Variants in ACACB observed in about 807,000 individuals in gnomAD.
ACACB encodes the protein acetyl-CoA carboxylase 2.
In ACACB, 209 loss-of-function variants were observed where a neutral mutation model predicts 278.8. That is an observed-to-expected ratio of 0.75 (90% confidence interval 0.67 to 0.84). The LOEUF is 0.84. ACACB is among the 40% of genes least tolerant of loss of function. The probability of loss-of-function intolerance (pLI) is 0.00; values close to 1 mark genes in which losing one functional copy is unlikely to be tolerated. For missense variants in ACACB, 2,850 were observed against 3,269.0 expected (o/e 0.87, Z 3.13); for synonymous variants, 1,174 against 1,285.6 (o/e 0.91, Z 1.86).
At chr12:109,127,914 T>C (rs1010248661) in intron 1 of ACACB, among the ~76,000 whole-genome samples, 2 of 152,202 alleles carry the variant, frequency 1.3e-5, no homozygotes, top group Non-Finnish European at 2.9e-5. Context: ...AGGATCATCC[T>C]TCACAACATA....
chr12:109,165,861 C>G (rs2043878843), intron 2 of ACACB, among the ~76,000 whole-genome samples: 1 of 152,160 alleles, frequency 6.6e-6, no homozygotes, highest in South Asian at 2.1e-4. Context: ...ATTGCATACA[C>G]TTGTTGTTTA....
At chr12:109,207,863 A>G (rs1447107742) in intron 20 of ACACB, among the ~76,000 whole-genome samples, 2 of 152,092 alleles carry the variant, frequency 1.3e-5, no homozygotes, top group African/African-American at 2.4e-5. Flanking sequence ...ATTTTTTAGT[A>G]GAGACGGGGT....
At chr12:109,213,312 C>T (rs1048573369) in intron 22 of ACACB, among the ~76,000 whole-genome samples, 3 of 152,154 alleles carry the variant, frequency 2.0e-5, no homozygotes, top group Non-Finnish European at 2.9e-5. Flanking sequence ...GATCCATTCT[C>T]CTCGACCTCC....
rs1565962009 is a variant in ACACB, at chr12:109,241,204, C to G, written c.4945C>G (p.Leu1649Val). Residue 1649 changes from leucine to valine, a missense_variant, in exon 36 of 53, where the codon CTG becomes GTG. By Grantham distance (32) the Leu-to-Val change is conservative. Transcript: ENST00000338432. ...TTTGSAVPIRLFITNESGYYL... is the reference protein window; with the variant it reads ...TTTGSAVPIRVFITNESGYYL... ...CACCGGCAGTGCCGTTCCCATCCGC[C>G]TGTTCATCACCAATGAGTCGGGCTA... is the stretch of plus-strand genomic sequence containing the variant. The G allele has an allele frequency of 6.2e-7, 1 of 1,614,222 alleles. No individual in the cohort carries two copies. The highest frequency in any genetic ancestry group is 1.1e-5 in the South Asian group (1 of 91,090).
At chr12:109,244,029 A>G (rs1396853212) in intron 37 of ACACB, among the ~76,000 whole-genome samples, 1 of 152,152 alleles carries the variant, frequency 6.6e-6, no homozygotes, top group Non-Finnish European at 1.5e-5. Flanking sequence ...AGCAAAAGAA[A>G]CTACCATTAG....
chr12:109,126,036 C>T (rs542437634), intron 1 of ACACB, among the ~76,000 whole-genome samples: 1 of 152,106 alleles, frequency 6.6e-6, no homozygotes, highest in Non-Finnish European at 1.5e-5. Context: ...TCTCCAGCAG[C>T]GTGTACCACA....
At position 109,246,108 on chromosome 12, in the gene ACACB, CTAAAA is replaced by C. The variant is rs1274357336; in HGVS notation, c.5302-60_5302-56del. 14 of 1,499,424 alleles carry C rather than the reference CTAAAA, an allele frequency of 9.3e-6. No homozygotes were observed. In the East Asian group the frequency reaches 1.1e-4, roughly 12 times the overall value. The allele number at this position is 1,499,424 out of a possible 1,614,324, so 92.9% of individuals were successfully genotyped here. ...CTGTATCTAAAAAAAATAATAATAA[CTAAAA>C]TAAAATAAAAAGTTTTCCCCCAAAG... is the stretch of plus-strand genomic sequence containing the variant. On this transcript the variant is annotated intron_variant, in intron 38 of 52. Transcript: ENST00000338432.
chr12:109,216,105 T>TTTTTG (rs947402282), intron 22 of ACACB, among the ~76,000 whole-genome samples: 1 of 151,884 alleles, frequency 6.6e-6, no homozygotes, highest in Non-Finnish European at 1.5e-5. Context: ...GGCCTTAATT[T>TTTTTG]TTTTGTTTTG....
At chr12:109,125,779 C>T (rs2042665769) in intron 1 of ACACB, among the ~76,000 whole-genome samples, 1 of 152,202 alleles carries the variant, frequency 6.6e-6, no homozygotes, top group Non-Finnish European at 1.5e-5. Flanking sequence ...CAAGGTCACA[C>T]AGGAAATGAA....
intron 1 of ACACB, among the ~76,000 whole-genome samples, chr12:109,138,071 T>C (rs2043012514): frequency 6.6e-6 from 1 of 152,048 alleles, no homozygotes; most frequent in Admixed American, 6.6e-5. Context: ...CTAATTTTTG[T>C]ATTTTTATTT....
Position 109,191,255 on chromosome 12 carries a change from C to T in ACACB, c.2145-358C>T, listed in dbSNP as rs370991300. Among the ~76,000 whole-genome samples, 5 of 151,400 alleles carry T rather than the reference C, an allele frequency of 3.3e-5. No individual in the cohort carries two copies. In the East Asian group the frequency reaches 7.7e-4, roughly 23 times the overall value. On this transcript the variant is annotated intron_variant, in intron 13 of 52. Transcript: ENST00000338432. ...TGGAGACAGAGTCTTGCTCTGTCGC[C>T]CAGCCTGGAGTGCAGTGGTGTGATC...
At position 109,206,776 on chromosome 12, in the gene ACACB, C is replaced by A; in HGVS notation, c.2980C>A (p.Gln994Lys). 5 of 1,614,146 alleles carry A rather than the reference C, an allele frequency of 3.1e-6. No homozygotes were observed. ...TLPILGEKLHQVFHSVLENLT... is the reference protein window; with the variant it reads ...TLPILGEKLHKVFHSVLENLT... Reference sequence around the variant, plus strand: ...GCCCATCCTCGGAGAGAAACTGCACCAGGTCTTCCACAGCGTCCTGGAAAA... The same window carrying A: ...GCCCATCCTCGGAGAGAAACTGCACAAGGTCTTCCACAGCGTCCTGGAAAA... Residue 994 changes from glutamine to lysine, a missense_variant, in exon 20 of 53, where the codon CAG becomes AAG. Physicochemically the swap from Gln to Lys is moderately conservative, Grantham distance 53. Around this residue, in one of 3 missense-constraint regions of ACACB, gnomAD observed 2,265 missense variants for 2,561.3 expected, o/e 0.88. Coordinates refer to ENST00000338432, the MANE Select transcript of ACACB (RefSeq NM_001093.4).
chr12:109,236,026 T>C (rs1224329207), intron 33 of ACACB: 1 of 178,918 alleles, frequency 5.6e-6, no homozygotes, highest in Non-Finnish European at 1.2e-5. Flanking sequence ...AGAGATGGGG[T>C]CTCACTATGT....
At chr12:109,147,781 A>T (rs2043278869) in intron 2 of ACACB, among the ~76,000 whole-genome samples, 1 of 152,204 alleles carries the variant, frequency 6.6e-6, no homozygotes, top group Non-Finnish European at 1.5e-5. Context: ...AATGTAAAAC[A>T]TGTGATGAAT....
chr12:109,206,913 C>T (rs1593559365), intron 20 of ACACB, 57 bp downstream of exon 20: 2 of 1,588,992 alleles, frequency 1.3e-6, no homozygotes, highest in South Asian at 1.1e-5. Context: ...AGAAGATCTA[C>T]CCCGTGACAG....
chr12:109,181,820 T>A (rs1316684433), intron 11 of ACACB, among the ~76,000 whole-genome samples: 3 of 150,766 alleles, frequency 2.0e-5, no homozygotes, highest in African/African-American at 7.3e-5. Context: ...CACTTCTTTT[T>A]CTGTTTTCTT....
At chr12:109,180,163 T>C in intron 11 of ACACB, 76 bp downstream of exon 11, 1 of 1,474,780 alleles carries the variant, frequency 6.8e-7, no homozygotes, top group East Asian at 2.3e-5. Flanking sequence ...CATTAGTCCA[T>C]CCCGCCCATC....
intron 1 of ACACB, among the ~76,000 whole-genome samples, chr12:109,119,793 G>C (rs1258901336): frequency 6.6e-6 from 1 of 152,140 alleles, no homozygotes. Context: ...TACCTGGGAG[G>C]CTGAGGCAGG....
At chr12:109,156,059 A>T (rs2043523332) in intron 2 of ACACB, among the ~76,000 whole-genome samples, 1 of 152,268 alleles carries the variant, frequency 6.6e-6, no homozygotes, top group East Asian at 1.9e-4. Context: ...GGTGCACCTT[A>T]AAATGTATGA....
Sources: allele counts gnomAD v4.1 joint callset (sites outside exome capture counted in the v4.1 genomes callset), GRCh38; gene constraint gnomAD v4.1.1; regional missense constraint gnomAD v4.1.1; transcripts MANE v1.5; gene names NCBI Gene and HGNC (gene_info 2026-07-23, HGNC 2026-07-21).